AXIN2: variants seen among roughly 807,000 people sequenced by gnomAD.
AXIN2 encodes the protein axin 2, also known as axin-2.
Under a neutral mutation model 74.7 loss-of-function variants are expected in AXIN2, and 21 were observed. The ratio of observed to expected loss-of-function variants is 0.28; its 90% CI spans 0.20 to 0.40. AXIN2 has a LOEUF of 0.40. Ranked by LOEUF, AXIN2 falls within the 10% of genes least tolerant of loss-of-function variation. The pLI is 1.00. For synonymous variants in AXIN2, 532 were observed against 454.9 expected, an observed-to-expected ratio of 1.17 and a Z score of -2.16; for missense variants, 1,144 against 1,111.1, an observed-to-expected ratio of 1.03 and a Z score of -0.42.
At chr17:65,552,762 C>T (rs914640311) in intron 2 of AXIN2, among the ~76,000 whole-genome samples, 4 of 152,190 alleles carry the variant, frequency 2.6e-5, no homozygotes, top group Non-Finnish European at 5.9e-5. Flanking sequence ...GGCACGGTGA[C>T]CCACGCCTAT....
rs730881395 is a variant in AXIN2, at chr17:65,537,649, G to C, written c.1387C>G (p.Arg463Gly). ...TGGTGGTGGTCCGGGGAGCGGGAGC[G>C]GGGGCTATAGCGGCCTACGCCTGGA... ...QSPGVGRYSPRSRSPDHHHHH... is the reference protein window; with the variant it reads ...QSPGVGRYSPGSRSPDHHHHH... The change falls in exon 6 of 11, where the codon CGC (arginine) becomes GGC (glycine). Residue 463 changes from arginine to glycine, a missense_variant. Physicochemically the swap from Arg to Gly is moderately radical, Grantham distance 125. This residue lies in a region of AXIN2 where 1,053 missense variants were observed against 973.5 expected (regional missense o/e 1.08). Transcript: ENST00000307078. 1.6e-5 allele frequency: 25 copies of C among 1,573,210 alleles called. No homozygotes were observed. Among genetic ancestry groups the C allele is most frequent in the Non-Finnish European group, 2.2e-5 (25 of 1,161,600 alleles).
At chr17:65,554,886 C>A (rs1055296557) in intron 2 of AXIN2, among the ~76,000 whole-genome samples, 1 of 152,230 alleles carries the variant, frequency 6.6e-6, no homozygotes, top group Non-Finnish European at 1.5e-5. Context: ...AATCCCACAA[C>A]CCCCCTTCGC....
chr17:65,533,035 G>C (rs1270093851), intron 10 of AXIN2, among the ~76,000 whole-genome samples: 1 of 152,220 alleles, frequency 6.6e-6, no homozygotes, highest in South Asian at 2.1e-4. Context: ...CAGATGAACT[G>C]AGGCAGAGTC....
chr17:65,558,914 A>G (rs1307478424), intron 1 of AXIN2, among the ~76,000 whole-genome samples, 178 bp from the exon 2 acceptor site: 4 of 152,212 alleles, frequency 2.6e-5, no homozygotes, highest in African/African-American at 9.6e-5. Context: ...GCTGCTTTTC[A>G]AAAGCGAAAT....
chr17:65,554,660 G>A (rs2044241458), intron 2 of AXIN2, among the ~76,000 whole-genome samples: 1 of 152,222 alleles, frequency 6.6e-6, no homozygotes, highest in Non-Finnish European at 1.5e-5. Flanking sequence ...AGTTCTTTCA[G>A]AGAACTGGAA....
Position 65,529,956 on chromosome 17 carries a change from C to T in AXIN2, c.*20G>A, listed in dbSNP as rs754675050. 3.1e-6 allele frequency: 5 copies of T among 1,614,130 alleles called. No individual in the cohort carries two copies. Among genetic ancestry groups the T allele is most frequent in the East Asian group, 2.2e-5 (1 of 44,884 alleles). On this transcript the variant is annotated 3_prime_UTR_variant, in exon 11 of 11. Coordinates refer to ENST00000307078, the MANE Select transcript of AXIN2 (RefSeq NM_004655.4). ...AAGAGCTTCGGGCTCCAACAGTTCACCAAAGCCAGACCCCAGGGCTCAATC... is the reference window on the plus strand; with the variant it reads ...AAGAGCTTCGGGCTCCAACAGTTCATCAAAGCCAGACCCCAGGGCTCAATC...
chr17:65,538,031 ATG>A, intron 5 of AXIN2, 170 bp downstream of exon 5: 6 of 1,364,354 alleles, frequency 4.4e-6, no homozygotes, highest in Non-Finnish European at 6.1e-6. Flanking sequence ...CACGCAACCC[ATG>A]CACATGCGCA....
rs11651031 is a variant in AXIN2 at position 65,533,703 on chromosome 17, C to T, written c.2405+209G>A. On this transcript the variant is annotated intron_variant, in intron 10 of 10. Coordinates refer to ENST00000307078, the MANE Select transcript of AXIN2 (RefSeq NM_004655.4). ...GCCAGGTCCCCCAGAGAACCCTCCACGCAGCCTCCCTCTTGCGGCTGCTGC... is the reference window on the plus strand; with the variant it reads ...GCCAGGTCCCCCAGAGAACCCTCCATGCAGCCTCCCTCTTGCGGCTGCTGC... Among the ~76,000 whole-genome samples the T allele has an allele frequency of 0.73, 111,547 of 152,038 alleles. 41,790 individuals are homozygous for T. Among genetic ancestry groups the T allele is most frequent in the Middle Eastern group, 0.85 (251 of 294 alleles).
chr17:65,549,614 C>G lies in AXIN2; in HGVS notation c.862G>C (p.Gly288Arg), dbSNP rs2044164324. The G allele has an allele frequency of 6.2e-7, 1 of 1,605,936 alleles. No homozygotes were observed. The highest frequency in any genetic ancestry group is 8.5e-7 in the Non-Finnish European group (1 of 1,175,990). The change falls in exon 3 of 11, where the codon GGC becomes CGC. Residue 288 changes from glycine to arginine, a missense_variant. By Grantham distance (125) the Gly-to-Arg change is moderately radical. This residue lies in a region of AXIN2 where 1,053 missense variants were observed against 973.5 expected (regional missense o/e 1.08). Transcript: ENST00000307078. Reference sequence around the variant, plus strand: ...CTGGTGGCTGGTGCAAAGACATAGCCAGAACCTATGTGATAAGGATTAACA... The same window carrying G: ...CTGGTGGCTGGTGCAAAGACATAGCGAGAACCTATGTGATAAGGATTAACA... ...DPVNPYHIGSGYVFAPATSAN... is the reference protein window; with the variant it reads ...DPVNPYHIGSRYVFAPATSAN...
At chr17:65,538,048 GCCCACGCCCAGGCACACA>G (rs1397087700) in intron 5 of AXIN2, 137 bp downstream of exon 5, 2 of 1,420,412 alleles carry the variant, frequency 1.4e-6, no homozygotes, top group African/African-American at 2.8e-5. Context: ...TGCGCACACA[GCCCACGCCCAGGCACACA>G]CCCACACGCA....
At chr17:65,551,772 G>C (rs1350514772) in intron 2 of AXIN2, among the ~76,000 whole-genome samples, 1 of 152,216 alleles carries the variant, frequency 6.6e-6, no homozygotes, top group Non-Finnish European at 1.5e-5. Flanking sequence ...ACCACCCAAG[G>C]AGGTAACTTA....
At chr17:65,531,906 C>G (rs1207635100) in intron 10 of AXIN2, among the ~76,000 whole-genome samples, 1 of 152,032 alleles carries the variant, frequency 6.6e-6, no homozygotes, top group Non-Finnish European at 1.5e-5. Flanking sequence ...CCCTGCTCCA[C>G]GGCCCCAACC....
chr17:65,560,478 A>C (rs1358185060), intron 1 of AXIN2: 2 of 152,184 alleles, frequency 1.3e-5, no homozygotes, highest in Non-Finnish European at 2.9e-5. Flanking sequence ...CCACCTCCCA[A>C]AGGCACTCCC....
In AXIN2 at chr17:65,529,889, C is replaced by A; in HGVS notation, c.*87G>T. The A allele has an allele frequency of 6.2e-7, 1 of 1,606,824 alleles. No homozygotes were observed. Among genetic ancestry groups the A allele is most frequent in the Non-Finnish European group, 8.5e-7 (1 of 1,176,030 alleles). ...CTTCTTCATTGGTTTAATTTTCCTTCAAAATGTTTTGTCGCAGTTGCTCAC... is the reference window on the plus strand; with the variant it reads ...CTTCTTCATTGGTTTAATTTTCCTTAAAAATGTTTTGTCGCAGTTGCTCAC... On this transcript the variant is annotated 3_prime_UTR_variant, in exon 11 of 11. Coordinates refer to ENST00000307078, the MANE Select transcript of AXIN2 (RefSeq NM_004655.4).
chr17:65,542,362 C>G (rs963125118), intron 3 of AXIN2, among the ~76,000 whole-genome samples: 13 of 152,258 alleles, frequency 8.5e-5, no homozygotes, highest in African/African-American at 3.1e-4. Flanking sequence ...AACAACTGCC[C>G]TCTTGAAGTT....
chr17:65,559,851 C>CA (rs1409528060), intron 1 of AXIN2: 1 of 152,292 alleles, frequency 6.6e-6, no homozygotes, highest in East Asian at 1.9e-4. Flanking sequence ...TGAACCCGAC[C>CA]AGAGCCTCGA....
At chr17:65,537,149 G>T in intron 6 of AXIN2, 86 bp from the exon 7 acceptor site, 1 of 1,560,680 alleles carries the variant, frequency 6.4e-7, no homozygotes, top group Non-Finnish European at 8.7e-7. Flanking sequence ...GCAAGTCGGG[G>T]GGCTGGTGAC....
chr17:65,537,081 C>A lies in AXIN2; in HGVS notation c.1713-18G>T, dbSNP rs147664289. ...TGCTGCCGCTGTGGGGAACCAAGAACCACACCCAACCCAGAGACCCGGTTA... is the reference window on the plus strand; with the variant it reads ...TGCTGCCGCTGTGGGGAACCAAGAAACACACCCAACCCAGAGACCCGGTTA... On this transcript the variant is annotated intron_variant, in intron 6 of 10. Transcript: ENST00000307078. 1 of 1,597,084 alleles carries A rather than the reference C, an allele frequency of 6.3e-7. No homozygotes were observed. Among genetic ancestry groups the A allele is most frequent in the Non-Finnish European group, 8.5e-7 (1 of 1,177,114 alleles).
intron 2 of AXIN2, among the ~76,000 whole-genome samples, chr17:65,552,112 C>T (rs554711080): frequency 6.6e-6 from 1 of 152,112 alleles, no homozygotes; most frequent in Non-Finnish European, 1.5e-5. Flanking sequence ...GTCCTCAATC[C>T]GGAATTCCCC....
Sources: gnomAD v4.1 joint callset for allele counts (sites outside exome capture counted in the v4.1 genomes callset) on GRCh38, gnomAD v4.1.1 for gene constraint, gnomAD v4.1.1 regional missense constraint, MANE v1.5 for transcripts, NCBI Gene and HGNC (gene_info 2026-07-23, HGNC 2026-07-21) for gene names.